CDK14: variants seen among roughly 807,000 people sequenced by gnomAD.
The protein encoded by CDK14 is cyclin-dependent kinase 14.
Under a neutral mutation model 60.7 loss-of-function variants are expected in CDK14, and 34 were observed. The ratio of observed to expected loss-of-function variants is 0.56; its 90% CI spans 0.43 to 0.75. The LOEUF is 0.75. Among genes scored for constraint, CDK14 ranks in the 30% least tolerant of loss-of-function variants. CDK14 has a pLI of 0.00. For synonymous variants in CDK14, 197 were observed against 203.7 expected, an observed-to-expected ratio of 0.97 and a Z score of 0.28; for missense variants, 482 against 564.1, an observed-to-expected ratio of 0.85 and a Z score of 1.47.
intron 6 of CDK14, among the ~76,000 whole-genome samples, chr7:90,896,230 A>G (rs1792333354): frequency 6.6e-6 from 1 of 152,088 alleles, no homozygotes; most frequent in Admixed American, 6.5e-5. Context: ...TATATTTATT[A>G]TCATTCATTT....
intron 9 of CDK14, among the ~76,000 whole-genome samples, chr7:90,980,925 T>C (rs1795210665): frequency 6.6e-6 from 1 of 152,220 alleles, no homozygotes; most frequent in African/African-American, 2.4e-5. Flanking sequence ...AAATAAATTC[T>C]ATAAGTAGTT....
intron 3 of CDK14, among the ~76,000 whole-genome samples, chr7:90,746,809 GT>G (rs142787497): frequency 0.018 from 2,707 of 152,248 alleles, 80 homozygotes; most frequent in African/African-American, 0.062. Flanking sequence ...CTTAAGAGTT[GT>G]TTTGTGGCAG....
chr7:91,075,704 T>C, intron 11 of CDK14, among the ~76,000 whole-genome samples: 1 of 152,342 alleles, frequency 6.6e-6, no homozygotes, highest in East Asian at 1.9e-4. Flanking sequence ...GTCATGATTC[T>C]GTATTTAGAA....
intron 8 of CDK14, among the ~76,000 whole-genome samples, chr7:90,939,047 C>A (rs762307971): frequency 2.8e-4 from 42 of 152,006 alleles, no homozygotes; most frequent in Non-Finnish European, 5.9e-5. Context: ...CTTTTTGCTC[C>A]TTTAACAAAA....
chr7:91,156,018 T>A (rs536465328), intron 14 of CDK14, among the ~76,000 whole-genome samples: 2 of 152,334 alleles, frequency 1.3e-5, no homozygotes, highest in East Asian at 3.9e-4. Context: ...TTCATTCCAC[T>A]TTGTACCAGT....
intron 2 of CDK14, among the ~76,000 whole-genome samples, chr7:90,633,075 G>A (rs1247042833): frequency 3.0e-5 from 4 of 134,966 alleles, no homozygotes; most frequent in Non-Finnish European, 6.2e-5. Flanking sequence ...CAGCCTGGGC[G>A]ACAAAGCGAG....
intron 10 of CDK14, among the ~76,000 whole-genome samples, chr7:91,035,989 G>T (rs1489492895): frequency 6.6e-6 from 1 of 151,920 alleles, no homozygotes; most frequent in African/African-American, 2.4e-5. Context: ...GACTACAGGC[G>T]CCTGCCACCG....
chr7:90,882,422 A>G (rs1375432576), intron 6 of CDK14, among the ~76,000 whole-genome samples: 1 of 152,246 alleles, frequency 6.6e-6, no homozygotes, highest in Admixed American at 6.5e-5. Flanking sequence ...TGTACCCAAT[A>G]CAGGAACATC....
intron 2 of CDK14, among the ~76,000 whole-genome samples, chr7:90,704,075 A>C (rs1226161949): frequency 6.6e-6 from 1 of 152,252 alleles, no homozygotes; most frequent in African/African-American, 2.4e-5. Flanking sequence ...CCTGGGCAAC[A>C]GAGTGAGACC....
intron 4 of CDK14, among the ~76,000 whole-genome samples, chr7:90,758,511 C>G (rs1204612724): frequency 1.3e-5 from 2 of 152,034 alleles, no homozygotes; most frequent in Non-Finnish European, 2.9e-5. Flanking sequence ...ATCTTTTTAC[C>G]TCTCAGTTTA....
intron 7 of CDK14, among the ~76,000 whole-genome samples, chr7:90,910,168 T>C (rs564732227): frequency 4.1e-4 from 62 of 152,340 alleles, no homozygotes; most frequent in African/African-American, 1.5e-3. Flanking sequence ...TTTCTCTTTT[T>C]TTATATCTCT....
rs371035950 is a variant in CDK14, at chr7:90,669,579, A to G, written c.124-56988A>G. ...AGTGGTGTCTATTTATAGAACCAAC[A>G]TGAAGAAACGTGAGCCAAGAGATGG... On this transcript the variant is annotated intron_variant, in intron 2 of 14. Transcript: ENST00000380050. Among the ~76,000 whole-genome samples, 3 of 26,226 alleles carry G rather than the reference A, an allele frequency of 1.1e-4. No individual in the cohort carries two copies. The Admixed American group carries it at 1.3e-3, about 12-fold the overall frequency. 17.2% of individuals were successfully genotyped at this position (26,226 alleles called of 152,430 possible).
intron 14 of CDK14, among the ~76,000 whole-genome samples, chr7:91,121,245 A>G (rs1330988017): frequency 1.3e-5 from 2 of 152,188 alleles, no homozygotes; most frequent in Non-Finnish European, 2.9e-5. Flanking sequence ...AGGCTTTGGC[A>G]TATTAAATTT....
intron 8 of CDK14, among the ~76,000 whole-genome samples, chr7:90,926,341 A>G (rs1185261748): frequency 6.6e-6 from 1 of 152,200 alleles, no homozygotes; most frequent in African/African-American, 2.4e-5. Flanking sequence ...AAATGATACA[A>G]AGAATGCTTC....
At chr7:90,920,138 T>C (rs912809845) in intron 8 of CDK14, among the ~76,000 whole-genome samples, 3 of 152,228 alleles carry the variant, frequency 2.0e-5, no homozygotes, top group African/African-American at 7.2e-5. Flanking sequence ...TTTGTGTGTC[T>C]GAGATGAAGG....
chr7:91,010,801 TTTCCTTCCTTCCTTCC>T lies in CDK14; in HGVS notation c.1041+26578_1041+26593del, dbSNP rs1253624022. Among the ~76,000 whole-genome samples, 655 of 86,038 alleles carry T rather than the reference TTTCCTTCCTTCCTTCC, an allele frequency of 7.6e-3. 7 individuals are homozygous for T. Among genetic ancestry groups the T allele is most frequent in the Middle Eastern group, 0.029 (5 of 172 alleles). 56.4% of individuals were successfully genotyped at this position (86,038 alleles called of 152,430 possible). On this transcript the variant is annotated intron_variant, in intron 10 of 14. Transcript: ENST00000380050. ...CCTTCCTTCTTTCCCTCCTTCCTTC[TTTCCTTCCTTCCTTCC>T]TTCCTTCCTTCCTTCCTCCCTCCCT...
rs752988231 is a variant in CDK14, at chr7:91,026,016, C to G, written c.1042-19881C>G. On this transcript the variant is annotated intron_variant, in intron 10 of 14. Coordinates refer to ENST00000380050, the MANE Select transcript of CDK14 (RefSeq NM_001287135.2). ...AATCTAGGTGACATATTTTAGAGGA[C>G]TAAGTTACCTTTTTTTTTTTAGTGA... 5.3e-4 allele frequency among the ~76,000 whole-genome samples: 80 copies of G among 150,970 alleles called. 1 individual carries two copies. Among genetic ancestry groups the G allele is most frequent in the Non-Finnish European group, 1.3e-4 (9 of 67,780 alleles).
At chr7:90,745,315 T>G (rs904487716) in intron 3 of CDK14, among the ~76,000 whole-genome samples, 2 of 152,204 alleles carry the variant, frequency 1.3e-5, no homozygotes, top group African/African-American at 4.8e-5. Context: ...GGGACCGTCT[T>G]GAGTATAGTA....
At chr7:91,015,112 AT>A (rs1000721171) in intron 10 of CDK14, among the ~76,000 whole-genome samples, 7 of 151,730 alleles carry the variant, frequency 4.6e-5, no homozygotes, top group Non-Finnish European at 7.4e-5. Flanking sequence ...GTTTTTGCTA[AT>A]TTTTTTTCTG....
Sources: allele counts gnomAD v4.1 joint callset (sites outside exome capture counted in the v4.1 genomes callset), GRCh38; gene constraint gnomAD v4.1.1; transcripts MANE v1.5; gene names NCBI Gene and HGNC (gene_info 2026-07-23, HGNC 2026-07-21).